SMIM23: variants seen among roughly 807,000 people sequenced by gnomAD.
The protein encoded by SMIM23 is CTB-78H18.1.
A neutral mutation model predicts 12.8 loss-of-function variants in SMIM23; 10 were observed. That is an observed-to-expected ratio of 0.78 (90% CI 0.48 to 1.32). The LOEUF (loss-of-function observed/expected upper bound fraction) is 1.32, where lower values mean the gene tolerates loss of function less well. Among genes scored for constraint, SMIM23 ranks in the 40% most tolerant of loss-of-function variants. The pLI, the probability that SMIM23 is intolerant of heterozygous loss-of-function variation, is 0.00. For synonymous variants in SMIM23, 78 were observed against 80.1 expected (o/e 0.97, Z 0.14); for missense variants, 184 against 198.2 (o/e 0.93, Z 0.43).
chr5:171,775,574 C>G, the SMIM23 span, among the ~76,000 whole-genome samples: 2 of 152,132 alleles, frequency 1.3e-5, no homozygotes, highest in African/African-American at 4.8e-5. Context: ...CCCTGAAGAC[C>G]CTGATCTCCA....
At chr5:171,773,864 A>G in the SMIM23 span, 5 of 456,306 alleles carry the variant, frequency 1.1e-5, no homozygotes, top group Non-Finnish European at 2.2e-5. Flanking sequence ...ATTTTAAAAA[A>G]TTAAACATCT....
intron 1 of SMIM23, among the ~76,000 whole-genome samples, chr5:171,787,421 C>T (rs573580372): frequency 1.3e-5 from 2 of 152,174 alleles, no homozygotes; most frequent in Admixed American, 1.3e-4. Flanking sequence ...AGGAAAAGGA[C>T]TCAAACTCAA....
the SMIM23 span, chr5:171,773,889 T>C: frequency 4.4e-6 from 2 of 455,150 alleles, no homozygotes; most frequent in Non-Finnish European, 4.4e-6. Flanking sequence ...GCAGTCCAGA[T>C]GGATAAAGAG....
chr5:171,790,159 G>T, intron 1 of SMIM23, 71 bp from the exon 2 acceptor site: 1 of 1,453,010 alleles, frequency 6.9e-7, no homozygotes. Flanking sequence ...GGCCCTTTGT[G>T]ATGGAAGCAG....
At chr5:171,779,117 G>A (rs537131341), upstream of SMIM23, among the ~76,000 whole-genome samples, 12 of 152,194 alleles carry the variant, frequency 7.9e-5, no homozygotes, top group East Asian at 1.9e-4. Context: ...AATTGATGGC[G>A]TACGTTGGGC....
chr5:171,776,195 C>T, the SMIM23 span, among the ~76,000 whole-genome samples: 2 of 148,628 alleles, frequency 1.3e-5, no homozygotes, highest in South Asian at 2.1e-4. Flanking sequence ...TTATCCCTAC[C>T]TTACAGATGG....
chr5:171,783,703 G>T (rs1755763799), upstream of SMIM23, among the ~76,000 whole-genome samples: 2 of 152,196 alleles, frequency 1.3e-5, no homozygotes, highest in South Asian at 4.1e-4. Context: ...AAAAGTGATA[G>T]ACTGGATCAA....
chr5:171,779,788 A>C (rs1008286117), upstream of SMIM23, among the ~76,000 whole-genome samples: 13 of 151,950 alleles, frequency 8.6e-5, no homozygotes, highest in African/African-American at 2.4e-5. Flanking sequence ...GTGGGAATGA[A>C]GCGAGGAAGG....
At chr5:171,774,640 C>T in the SMIM23 span, 1 of 454,058 alleles carries the variant, frequency 2.2e-6, no homozygotes, top group Non-Finnish European at 4.4e-6. Context: ...TCACAGGCTC[C>T]TTTGAACTTG....
At chr5:171,774,315 G>A in the SMIM23 span, 2 of 428,722 alleles carry the variant, frequency 4.7e-6, no homozygotes, top group South Asian at 3.3e-5. Flanking sequence ...CTGTGAAATA[G>A]ACAGTAATGT....
intron 1 of SMIM23, 37 bp downstream of exon 1, chr5:171,786,013 T>G: frequency 6.7e-7 from 1 of 1,495,804 alleles, no homozygotes. Flanking sequence ...TTTCCTCCCA[T>G]CTGGGCTCCT....
chr5:171,787,809 A>G (rs764499919), intron 1 of SMIM23, among the ~76,000 whole-genome samples: 4 of 152,206 alleles, frequency 2.6e-5, no homozygotes, highest in Admixed American at 6.5e-5. Context: ...GATTTGTGTC[A>G]TCATAGCTGA....
At chr5:171,777,097 C>T in the SMIM23 span, among the ~76,000 whole-genome samples, 510 of 149,966 alleles carry the variant, frequency 3.4e-3, 1 homozygote, top group Admixed American at 8.9e-3. Flanking sequence ...CCAAAGTATT[C>T]TGGACATATT....
the SMIM23 span, among the ~76,000 whole-genome samples, chr5:171,776,507 G>A: frequency 6.5e-3 from 988 of 152,206 alleles, 10 homozygotes; most frequent in African/African-American, 0.019. Flanking sequence ...CAGGAACAGC[G>A]AAGTCACACA....
At chr5:171,788,259 G>T (rs1302711676) in intron 1 of SMIM23, among the ~76,000 whole-genome samples, 2 of 151,358 alleles carry the variant, frequency 1.3e-5, no homozygotes, top group African/African-American at 2.4e-5. Flanking sequence ...AGCAGAAAAA[G>T]AAGAATTAAA....
upstream of SMIM23, among the ~76,000 whole-genome samples, chr5:171,778,830 C>T (rs1346804171): frequency 3.9e-5 from 6 of 152,352 alleles, no homozygotes; most frequent in African/African-American, 1.2e-4. Flanking sequence ...GCAGGGTATA[C>T]ATTTACCCCA....
At chr5:171,776,965 G>A in the SMIM23 span, among the ~76,000 whole-genome samples, 1 of 152,122 alleles carries the variant, frequency 6.6e-6, no homozygotes, top group African/African-American at 2.4e-5. Context: ...TTTGTCTGCA[G>A]ACATTCTAGA....
the SMIM23 span, among the ~76,000 whole-genome samples, chr5:171,775,925 T>C: frequency 2.3e-4 from 35 of 152,236 alleles, no homozygotes; most frequent in African/African-American, 8.2e-4. Context: ...CAGGCTGGAG[T>C]GCAATGTGTG....
upstream of SMIM23, among the ~76,000 whole-genome samples, chr5:171,777,977 T>C (rs1039614425): frequency 3.3e-5 from 5 of 152,206 alleles, no homozygotes; most frequent in African/African-American, 1.2e-4. Context: ...CCCCAAGAGA[T>C]ACTCACATCC....
Sources: gnomAD v4.1 joint callset for allele counts (sites outside exome capture counted in the v4.1 genomes callset) on GRCh38, gnomAD v4.1.1 for gene constraint, MANE v1.5 for transcripts, NCBI Gene and HGNC (gene_info 2026-07-23, HGNC 2026-07-21) for gene names.